The following USP28 variants were observed in gnomAD, a reference collection of about 807,000 sequenced individuals.
The protein encoded by USP28 is ubiquitin carboxyl-terminal hydrolase 28.
Under a neutral mutation model 145.0 loss-of-function variants are expected in USP28, and 113 were observed. The observed-to-expected ratio is 0.78, with a 90% CI of 0.67 to 0.91. USP28 has a LOEUF of 0.91. Ranked by LOEUF, USP28 falls within the 40% of genes least tolerant of loss-of-function variation. The pLI is 0.00. For synonymous variants in USP28, 447 were observed against 450.9 expected, an observed-to-expected ratio of 0.99 and a Z score of 0.11; for missense variants, 1,201 against 1,289.6, an observed-to-expected ratio of 0.93 and a Z score of 1.05.
chr11:113,842,551 C>T (rs1273936968), intron 3 of USP28, among the ~76,000 whole-genome samples: 1 of 150,826 alleles, frequency 6.6e-6, no homozygotes, highest in African/African-American at 2.4e-5. Flanking sequence ...CGCCACTGCA[C>T]TCCAGCCTAG....
chr11:113,830,550 G>A (rs1383647727), intron 9 of USP28, among the ~76,000 whole-genome samples: 1 of 152,302 alleles, frequency 6.6e-6, no homozygotes, highest in Non-Finnish European at 1.5e-5. Flanking sequence ...TTGAGATTAA[G>A]TATTATATTA....
intron 13 of USP28, 82 bp downstream of exon 13, chr11:113,817,576 C>A: frequency 6.8e-7 from 1 of 1,473,710 alleles, no homozygotes; most frequent in South Asian, 1.3e-5. Context: ...AGGTGACTGT[C>A]AATCAAGTAC....
intron 22 of USP28, among the ~76,000 whole-genome samples, 196 bp downstream of exon 23, chr11:113,803,602 T>C (rs1939432412): frequency 6.6e-6 from 1 of 152,204 alleles, no homozygotes; most frequent in African/African-American, 2.4e-5. Context: ...TCGCAGCTAA[T>C]ACATCTAATC....
intron 16 of USP28, among the ~76,000 whole-genome samples, 179 bp downstream of exon 16, chr11:113,812,097 G>GA (rs1457441172): frequency 6.6e-6 from 1 of 152,124 alleles, no homozygotes; most frequent in African/African-American, 2.4e-5. Flanking sequence ...GGTCAAGGAA[G>GA]AAAGTAGTAA....
At chr11:113,874,307 C>A (rs974401986) in intron 1 of USP28, among the ~76,000 whole-genome samples, 1 of 150,604 alleles carries the variant, frequency 6.6e-6, no homozygotes, top group African/African-American at 2.4e-5. Context: ...CAAAAATTAG[C>A]CGGGCCGGTG....
In USP28 at chr11:113,826,667, A is replaced by C. The variant is rs1413255428; in HGVS notation, c.1187+566T>G. Among the ~76,000 whole-genome samples, 4 of 151,968 alleles carry C rather than the reference A, an allele frequency of 2.6e-5. No homozygotes were observed. In the South Asian group the frequency reaches 6.2e-4, roughly 24 times the overall value. On this transcript the variant is annotated intron_variant, in intron 11 of 24. Transcript: ENST00000003302. ...GGGCGCGGTGGCTCACACCTGTAAT[A>C]CCAGCACTTTGGGAGGCCAAGGCAG... is the stretch of plus-strand genomic sequence containing the variant.
intron 12 of USP28, among the ~76,000 whole-genome samples, chr11:113,819,964 C>T (rs1380527549): frequency 6.6e-6 from 1 of 152,110 alleles, no homozygotes; most frequent in Non-Finnish European, 1.5e-5. Context: ...AGTGATCCAC[C>T]GCGCCCGGCC....
At chr11:113,814,146 T>C (rs567129855) in intron 14 of USP28, among the ~76,000 whole-genome samples, 191 bp from the exon 15 acceptor site, 1 of 152,330 alleles carries the variant, frequency 6.6e-6, no homozygotes, top group African/African-American at 2.4e-5. Flanking sequence ...TCAATATAAT[T>C]ACATTAAGGT....
At chr11:113,808,318 C>T (rs1285450382) in exon 18 of USP28, 2 of 1,613,640 alleles carry the variant, frequency 1.2e-6, no homozygotes, top group Non-Finnish European at 1.7e-6. Flanking sequence ...GCCGCTTCTA[C>T]ACCGCTCTTC....
exon 5 of USP28, chr11:113,840,668 C>G: frequency 1.2e-6 from 2 of 1,614,230 alleles, no homozygotes; most frequent in Non-Finnish European, 1.7e-6. Flanking sequence ...ATCAACTCTC[C>G]TCCAGTCATT....
chr11:113,828,383 T>C (rs896036408), intron 10 of USP28, among the ~76,000 whole-genome samples: 2 of 152,258 alleles, frequency 1.3e-5, no homozygotes, highest in Non-Finnish European at 2.9e-5. Flanking sequence ...ACAGATGACG[T>C]AATTCCTCCA....
At chr11:113,860,271 T>C (rs544116793) in intron 1 of USP28, among the ~76,000 whole-genome samples, 4 of 152,286 alleles carry the variant, frequency 2.6e-5, no homozygotes, top group Admixed American at 1.3e-4. Flanking sequence ...ACATATTTCC[T>C]GATATCAATT....
chr11:113,853,215 G>A (rs1361823291), intron 2 of USP28, among the ~76,000 whole-genome samples: 1 of 147,524 alleles, frequency 6.8e-6, no homozygotes, highest in Non-Finnish European at 1.5e-5. Flanking sequence ...TTGAGCCCAG[G>A]AGGCAGAGGG....
chr11:113,828,118 T>G (rs1324620382), intron 10 of USP28, among the ~76,000 whole-genome samples: 2 of 152,238 alleles, frequency 1.3e-5, no homozygotes, highest in Non-Finnish European at 2.9e-5. Flanking sequence ...GAGGTTCCTG[T>G]CAACAGCTTT....
At chr11:113,829,060 T>A in intron 10 of USP28, 137 bp downstream of exon 10, 1 of 1,152,094 alleles carries the variant, frequency 8.7e-7, no homozygotes, top group Admixed American at 2.1e-5. Context: ...CATCAACTGA[T>A]GAGAGACTTA....
At chr11:113,852,325 G>GCCA (rs1192224745) in intron 3 of USP28, among the ~76,000 whole-genome samples, 176 bp downstream of exon 3, 13 of 152,326 alleles carry the variant, frequency 8.5e-5, no homozygotes, top group African/African-American at 2.6e-4. Flanking sequence ...ACTGCACCCG[G>GCCA]CCAGAACTTT....
intron 21 of USP28, among the ~76,000 whole-genome samples, chr11:113,804,412 AT>A (rs2135186146): frequency 6.6e-6 from 1 of 152,358 alleles, no homozygotes; most frequent in East Asian, 1.9e-4. Context: ...GATTTCAAGA[AT>A]TTTACTGCCT....
In USP28 at chr11:113,808,084, T is replaced by C. The variant is rs771497468; in HGVS notation, c.2304+214A>G. On this transcript the variant is annotated intron_variant, in intron 18 of 24. Coordinates refer to ENST00000003302, the Ensembl canonical transcript of USP28. ...AGCCTTTGGGGGCTGTTCTGACTGCTCTGCAAGGTTTGTTTCCTGGGGCAT... is the reference window on the plus strand; with the variant it reads ...AGCCTTTGGGGGCTGTTCTGACTGCCCTGCAAGGTTTGTTTCCTGGGGCAT... The C allele has an allele frequency of 3.5e-6, 5 of 1,436,634 alleles. No individual in the cohort carries two copies. In the South Asian group the frequency reaches 5.1e-5, roughly 15 times the overall value. The allele number at this position is 1,436,634 out of a possible 1,614,324, so 89.0% of individuals were successfully genotyped here.
At chr11:113,828,727 AAT>A (rs1473444072) in intron 10 of USP28, 2 of 314,366 alleles carry the variant, frequency 6.4e-6, no homozygotes, top group Non-Finnish European at 1.2e-5. Flanking sequence ...CCAGAAAAAA[AAT>A]AGATACATAA....
Sources: allele counts gnomAD v4.1 joint callset (sites outside exome capture counted in the v4.1 genomes callset), GRCh38; gene constraint gnomAD v4.1.1; transcripts MANE v1.5; gene names NCBI Gene and HGNC (gene_info 2026-07-23, HGNC 2026-07-21).